The following MYO1D variants were observed in gnomAD, a reference collection of about 807,000 sequenced individuals.
MYO1D encodes unconventional myosin-Id.
A neutral mutation model predicts 122.0 loss-of-function variants in MYO1D; 83 were observed. The ratio of observed to expected loss-of-function variants is 0.68; its 90% confidence interval spans 0.57 to 0.82. MYO1D has a LOEUF of 0.82. MYO1D is among the 40% of genes least tolerant of loss of function. The pLI is 0.00. For missense variants in MYO1D, 1,157 were observed against 1,269.5 expected (o/e 0.91, Z 1.35); for synonymous variants, 464 against 446.9 (o/e 1.04, Z -0.48).
intron 16 of MYO1D, among the ~76,000 whole-genome samples, chr17:32,681,536 T>G (rs1160390121): frequency 6.6e-6 from 1 of 151,084 alleles, no homozygotes; most frequent in Non-Finnish European, 1.5e-5. Context: ...GAGCAGGTTG[T>G]TCAGTTTCCA....
intron 14 of MYO1D, among the ~76,000 whole-genome samples, chr17:32,737,238 C>T (rs948286564): frequency 2.6e-5 from 4 of 152,100 alleles, no homozygotes; most frequent in Admixed American, 1.3e-4. Flanking sequence ...ATTTATCAAA[C>T]TTGCCAACAG....
intron 18 of MYO1D, 133 bp downstream of exon 18, chr17:32,654,344 G>A (rs1299590708): frequency 1.0e-6 from 1 of 991,516 alleles, no homozygotes. Context: ...GCAATAAAAT[G>A]TTTTAGTATC....
At chr17:32,578,386 C>T (rs960909013) in intron 21 of MYO1D, among the ~76,000 whole-genome samples, 6 of 152,202 alleles carry the variant, frequency 3.9e-5, no homozygotes, top group Non-Finnish European at 7.3e-5. Flanking sequence ...AAGGTTACTA[C>T]TTTCACCTGA....
intron 16 of MYO1D, among the ~76,000 whole-genome samples, chr17:32,710,553 C>A (rs2089362644): frequency 6.6e-6 from 1 of 152,086 alleles, no homozygotes; most frequent in Non-Finnish European, 1.5e-5. Context: ...AAAGAAAATT[C>A]CAAATCACTA....
chr17:32,675,398 T>C (rs570044962), intron 16 of MYO1D, among the ~76,000 whole-genome samples: 1 of 152,330 alleles, frequency 6.6e-6, no homozygotes, highest in South Asian at 2.1e-4. Flanking sequence ...ACTGATAAAG[T>C]ATCATACCTA....
chr17:32,813,391 A>C (rs2090588460), intron 1 of MYO1D, among the ~76,000 whole-genome samples: 4 of 152,322 alleles, frequency 2.6e-5, no homozygotes, highest in Admixed American at 2.0e-4. Flanking sequence ...GTACAAATGA[A>C]AGGCAGTTAA....
At chr17:32,772,986 A>AT in intron 4 of MYO1D, 144 bp from the exon 5 acceptor site, 1 of 693,596 alleles carries the variant, frequency 1.4e-6, no homozygotes, top group African/African-American at 1.8e-5. Flanking sequence ...GAAGAATCAC[A>AT]TAAGAAGTGA....
At chr17:32,656,974 A>T (rs2088485542) in intron 17 of MYO1D, among the ~76,000 whole-genome samples, 1 of 152,216 alleles carries the variant, frequency 6.6e-6, no homozygotes, top group East Asian at 1.9e-4. Context: ...TCCAAAGGCC[A>T]CAGAAGCACA....
At chr17:32,652,542 T>G (rs1288812119) in intron 19 of MYO1D, among the ~76,000 whole-genome samples, 1 of 152,162 alleles carries the variant, frequency 6.6e-6, no homozygotes, top group Non-Finnish European at 1.5e-5. Flanking sequence ...ATTAATATTT[T>G]AAAATGTATT....
chr17:32,654,395 C>T (rs1231640183), intron 18 of MYO1D, 82 bp downstream of exon 18: 48 of 1,438,444 alleles, frequency 3.3e-5, no homozygotes, highest in Non-Finnish European at 4.4e-5. Flanking sequence ...TTTATCCTTT[C>T]TGCAAATTCT....
At chr17:32,515,616 G>C (rs975018821) in intron 21 of MYO1D, among the ~76,000 whole-genome samples, 1 of 152,150 alleles carries the variant, frequency 6.6e-6, no homozygotes, top group Admixed American at 6.5e-5. Flanking sequence ...TAAGGACAAA[G>C]GATAATGCTT....
At chr17:32,497,128 G>C (rs569405404) in intron 21 of MYO1D, 1 of 152,548 alleles carries the variant, frequency 6.6e-6, no homozygotes, top group East Asian at 1.9e-4. Context: ...AAATGGGGAG[G>C]AGCAAATGAC....
At chr17:32,736,464 T>C (rs911159920) in intron 14 of MYO1D, among the ~76,000 whole-genome samples, 2 of 152,158 alleles carry the variant, frequency 1.3e-5, no homozygotes, top group Admixed American at 1.3e-4. Flanking sequence ...ACTAGGATGG[T>C]AGAGCGGAAG....
chr17:32,801,317 G>A (rs555618745), intron 1 of MYO1D, among the ~76,000 whole-genome samples: 9 of 152,212 alleles, frequency 5.9e-5, no homozygotes, highest in East Asian at 1.9e-4. Flanking sequence ...CTTATAATTC[G>A]TCTAAGTTTA....
chr17:32,700,619 T>C (rs1158897204), intron 16 of MYO1D, among the ~76,000 whole-genome samples: 2 of 96,444 alleles, frequency 2.1e-5, no homozygotes, highest in African/African-American at 8.7e-5. Flanking sequence ...AGGAGAGGAA[T>C]TGATGAAGAT....
chr17:32,859,460 C>A (rs2091052223), intron 1 of MYO1D, among the ~76,000 whole-genome samples: 1 of 152,176 alleles, frequency 6.6e-6, no homozygotes, highest in Non-Finnish European at 1.5e-5. Context: ...AATCTGGGCC[C>A]CTGTGGCTCC....
intron 1 of MYO1D, among the ~76,000 whole-genome samples, chr17:32,872,851 C>G (rs1031036287): frequency 6.6e-6 from 1 of 151,772 alleles, no homozygotes; most frequent in South Asian, 2.1e-4. Flanking sequence ...CGCCCGCCAC[C>G]GCGCCCGGCT....
Position 32,524,594 on chromosome 17 carries a change from C to T in MYO1D, c.2865-29679G>A, listed in dbSNP as rs1013415189. ...TTTTTTTTTTTTTTTGAGACAGTCT[C>T]GCTCTTTTGCTCAGGCTGGAGTGCA... On this transcript the variant is annotated intron_variant, in intron 21 of 21. Coordinates refer to ENST00000318217, the MANE Select transcript of MYO1D (RefSeq NM_015194.3). Among the ~76,000 whole-genome samples the T allele has an allele frequency of 9.6e-4, 135 of 141,228 alleles. 1 individual carries two copies. The highest frequency in any genetic ancestry group is 1.8e-3 in the South Asian group (8 of 4,396). 92.7% of individuals were successfully genotyped at this position (141,228 alleles called of 152,430 possible). A position where few individuals can be genotyped will look rare whatever the true frequency, so the allele number is the denominator to read the frequency against.
intron 1 of MYO1D, among the ~76,000 whole-genome samples, chr17:32,856,887 T>C (rs914889555): frequency 1.3e-5 from 2 of 152,210 alleles, no homozygotes; most frequent in African/African-American, 4.8e-5. Flanking sequence ...ATATCCTCCT[T>C]TTTCCAATAT....
Sources: allele counts gnomAD v4.1 joint callset (sites outside exome capture counted in the v4.1 genomes callset), GRCh38; gene constraint gnomAD v4.1.1; transcripts MANE v1.5; gene names NCBI Gene and HGNC (gene_info 2026-07-23, HGNC 2026-07-21).